Variants in SDHA observed in about 807,000 individuals in gnomAD.
The protein encoded by SDHA is succinate dehydrogenase complex flavoprotein subunit A.
In SDHA, 48 loss-of-function variants were observed where a neutral mutation model predicts 78.4. The observed-to-expected ratio is 0.61, with a 90% CI of 0.49 to 0.78. The LOEUF (loss-of-function observed/expected upper bound fraction) is 0.78, where lower values mean the gene tolerates loss of function less well. Ranked by LOEUF, SDHA falls within the 30% of genes least tolerant of loss-of-function variation. The pLI, the probability that SDHA is intolerant of heterozygous loss-of-function variation, is 0.00. For missense variants in SDHA, 680 were observed against 892.7 expected (o/e 0.76, Z 3.04); for synonymous variants, 326 against 353.9 (o/e 0.92, Z 0.88).
At position 230,963 on chromosome 5, in the gene SDHA, T is replaced by A. The variant is rs1553998661; in HGVS notation, c.858T>A (p.Pro286=). Residue 286 remains proline (P), a synonymous_variant, in exon 7 of 15, where the codon CCT becomes CCA. Coordinates refer to ENST00000264932, the MANE Select transcript of SDHA (RefSeq NM_004168.4). ...GTAMITRAGL[P]CQDLEFVQFH... is the part of the protein sequence containing the mutation. ...CCATGATCACCAGGGCAGGCCTTCC[T>A]TGCCAGGACCTAGAGTTTGTTCAGT... 1.9e-6 allele frequency: 3 copies of A among 1,613,876 alleles called. No individual in the cohort carries two copies. The highest frequency in any genetic ancestry group is 2.5e-6 in the Non-Finnish European group (3 of 1,179,880).
intron 13 of SDHA, among the ~76,000 whole-genome samples, chr5:253,427 A>G (rs73018823): frequency 0.025 from 3,734 of 152,236 alleles, 158 homozygotes; most frequent in African/African-American, 0.084. Context: ...ACAGAATAAT[A>G]GTAAATTTAT....
intron 7 of SDHA, among the ~76,000 whole-genome samples, chr5:232,880 T>G (rs1310064983): frequency 6.6e-6 from 1 of 152,174 alleles, no homozygotes; most frequent in Non-Finnish European, 1.5e-5. Context: ...TACCCAGGTT[T>G]GGGTTTGAGC....
intron 10 of SDHA, 149 bp from the exon 11 acceptor site, chr5:240,209 G>A: frequency 1.5e-6 from 1 of 658,090 alleles, no homozygotes; most frequent in African/African-American, 1.8e-5. Flanking sequence ...CTCAGCTGTA[G>A]GGTGGGCTGG....
chr5:244,259 T>G (rs1252585763), intron 11 of SDHA, among the ~76,000 whole-genome samples: 1 of 151,234 alleles, frequency 6.6e-6, no homozygotes, highest in Non-Finnish European at 1.5e-5. Flanking sequence ...CCACCAAAGG[T>G]CCCAGCAGGA....
At chr5:233,402 G>A (rs7725227) in intron 7 of SDHA, 75 bp from the exon 8 acceptor site, 219,970 of 1,519,406 alleles carry the variant, frequency 0.14, 22,528 homozygotes, top group African/African-American at 0.53. Context: ...CCCAAAAAAT[G>A]TCTTGAAAAA....
intron 11 of SDHA, chr5:248,994 G>T: frequency 2.6e-6 from 1 of 388,916 alleles, no homozygotes. Context: ...TCAAAATTTG[G>T]GAAAGAATAA....
chr5:223,580 C>T lies in SDHA; in HGVS notation c.150+12C>T, dbSNP rs773966272. ...AAGTTTCAGATTCCGTAAGTTCATG[C>T]TTTTTGTTCCATTATAAATGATTTT... On this transcript the variant is annotated intron_variant, in intron 2 of 14. Coordinates refer to ENST00000264932, the MANE Select transcript of SDHA (RefSeq NM_004168.4). 14 of 1,598,840 alleles carry T rather than the reference C, an allele frequency of 8.8e-6. No individual in the cohort carries two copies. The highest frequency in any genetic ancestry group is 1.2e-5 in the Non-Finnish European group (14 of 1,166,128).
At chr5:248,597 G>A (rs1030733985) in intron 11 of SDHA, among the ~76,000 whole-genome samples, 9 of 152,124 alleles carry the variant, frequency 5.9e-5, no homozygotes, top group African/African-American at 1.7e-4. Context: ...TGATAAATCT[G>A]CTTCTATAAT....
intron 10 of SDHA, among the ~76,000 whole-genome samples, chr5:238,465 A>ACG: frequency 6.7e-6 from 1 of 149,802 alleles, no homozygotes; most frequent in Non-Finnish European, 1.5e-5. Flanking sequence ...TTTTTAAGAG[A>ACG]TAGTCTCCCT....
downstream of SDHA, among the ~76,000 whole-genome samples, chr5:259,215 T>C (rs1246438489): frequency 2.4e-5 from 1 of 42,018 alleles, no homozygotes; most frequent in Non-Finnish European, 4.0e-5. Flanking sequence ...CCGCCTCCCG[T>C]CCGAGCATTA....
intron 11 of SDHA, among the ~76,000 whole-genome samples, chr5:243,686 C>T (rs781596604): frequency 2.6e-5 from 4 of 152,176 alleles, no homozygotes; most frequent in South Asian, 2.1e-4. Context: ...ATCGCAGATT[C>T]GGCTGCTCAG....
At chr5:238,707 C>A (rs978351728) in intron 10 of SDHA, among the ~76,000 whole-genome samples, 1 of 152,094 alleles carries the variant, frequency 6.6e-6, no homozygotes, top group Non-Finnish European at 1.5e-5. Context: ...GCCTATAATC[C>A]CACCGCTTTG....
intron 11 of SDHA, among the ~76,000 whole-genome samples, chr5:244,796 C>T (rs573348710): frequency 6.6e-6 from 1 of 152,272 alleles, no homozygotes; most frequent in Admixed American, 6.5e-5. Context: ...ACTTCTGTAC[C>T]TATAAATTTA....
At chr5:261,530 C>T (rs866569956), downstream of SDHA, among the ~76,000 whole-genome samples, 5 of 27,860 alleles carry the variant, frequency 1.8e-4, no homozygotes, top group South Asian at 1.3e-3. Context: ...ACAGCATTAC[C>T]GTGTGAGCTC....
chr5:263,520 C>T, the SDHA span, among the ~76,000 whole-genome samples: 1 of 152,162 alleles, frequency 6.6e-6, no homozygotes, highest in South Asian at 2.1e-4. Flanking sequence ...AAAGCAGATC[C>T]GTGGTTCCCT....
downstream of SDHA, among the ~76,000 whole-genome samples, chr5:258,815 C>T (rs1198944503): frequency 3.5e-5 from 3 of 85,138 alleles, no homozygotes; most frequent in South Asian, 3.9e-4. Flanking sequence ...ACAGCATTAC[C>T]GTGTGAGCTC....
chr5:231,664 T>C (rs1301801515), intron 7 of SDHA, among the ~76,000 whole-genome samples: 1 of 151,944 alleles, frequency 6.6e-6, no homozygotes, highest in Non-Finnish European at 1.5e-5. Flanking sequence ...GCTGTGGTGC[T>C]CCATGCCCAG....
intron 6 of SDHA, among the ~76,000 whole-genome samples, chr5:228,615 G>A (rs1735196470): frequency 6.6e-6 from 1 of 152,152 alleles, no homozygotes; most frequent in Non-Finnish European, 1.5e-5. Context: ...TGAGGGAACT[G>A]TGGCCCAAAG....
chr5:227,657 G>A (rs1242655817), intron 5 of SDHA: 4 of 202,194 alleles, frequency 2.0e-5, no homozygotes, highest in Non-Finnish European at 4.1e-5. Flanking sequence ...GGCGGGCAGC[G>A]CTGTCCGGCG....
Sources: gnomAD v4.1 joint callset for allele counts (sites outside exome capture counted in the v4.1 genomes callset) on GRCh38, gnomAD v4.1.1 for gene constraint, MANE v1.5 for transcripts, NCBI Gene and HGNC (gene_info 2026-07-23, HGNC 2026-07-21) for gene names.